Variants in NSMCE2 observed in about 807,000 individuals in gnomAD.
NSMCE2 encodes the protein E3 SUMO-protein ligase NSE2.
NSMCE2 carries 24 observed loss-of-function variants against 23.8 expected under a neutral mutation model. The observed-to-expected ratio is 1.01, with a 90% CI of 0.73 to 1.42. The LOEUF (loss-of-function observed/expected upper bound fraction) is 1.42. NSMCE2 is among the 40% of genes most tolerant of loss of function. The pLI is 0.00. For synonymous variants in NSMCE2, 92 were observed against 94.1 expected (o/e 0.98, Z 0.13); for missense variants, 284 against 296.5 (o/e 0.96, Z 0.31).
intron 3 of NSMCE2, 68 bp from the exon 4 acceptor site, chr8:125,151,103 T>C (rs1586520644): frequency 1.3e-6 from 1 of 757,146 alleles, no homozygotes; most frequent in East Asian, 2.6e-5. Context: ...TAGATTGTAT[T>C]GATGCAACTT....
At position 125,186,039 on chromosome 8, in the gene NSMCE2, G is replaced by A. The variant is rs183446119; in HGVS notation, c.418+3783G>A. ...CTAGGCCTGGGGTCAGTAAACTCTG[G>A]GCCATGGACCGAATTCAGCCTGCCT... On this transcript the variant is annotated intron_variant, in intron 5 of 7. Transcript: ENST00000287437. 8.5e-5 allele frequency among the ~76,000 whole-genome samples: 13 copies of A among 152,210 alleles called. No individual in the cohort carries two copies. The East Asian group carries it at 2.5e-3, about 29-fold the overall frequency.
chr8:125,182,399 A>C (rs1242459236), intron 5 of NSMCE2, 143 bp downstream of exon 5: 2 of 724,844 alleles, frequency 2.8e-6, no homozygotes, highest in African/African-American at 1.8e-5. Flanking sequence ...TTGTTGTTGC[A>C]ATTCTGTATT....
chr8:125,320,308 GGGAAGGGAA>G (rs1394216246), intron 5 of NSMCE2, among the ~76,000 whole-genome samples: 17 of 114,140 alleles, frequency 1.5e-4, no homozygotes, highest in African/African-American at 5.1e-4. Flanking sequence ...AAGGAAGGAA[GGGAAGGGAA>G]GGAAGGGAAG....
At chr8:125,284,079 G>A (rs1827800814) in intron 5 of NSMCE2, among the ~76,000 whole-genome samples, 2 of 151,554 alleles carry the variant, frequency 1.3e-5, no homozygotes, top group South Asian at 4.2e-4. Context: ...GCGTGAACCT[G>A]GGAAGCAGAG....
intron 5 of NSMCE2, among the ~76,000 whole-genome samples, chr8:125,193,876 A>G (rs1823476942): frequency 6.6e-6 from 1 of 152,132 alleles, no homozygotes; most frequent in Non-Finnish European, 1.5e-5. Context: ...ACCCTTTGTT[A>G]TTCTCTGTTA....
intron 5 of NSMCE2, among the ~76,000 whole-genome samples, chr8:125,256,960 G>A (rs111596317): frequency 0.058 from 4,054 of 70,160 alleles, 58 homozygotes; most frequent in South Asian, 0.16. Context: ...AAAAAAAAAA[G>A]AGGGCTGAAG....
intron 4 of NSMCE2, among the ~76,000 whole-genome samples, chr8:125,151,629 A>G (rs539429537): frequency 6.6e-6 from 1 of 152,360 alleles, no homozygotes; most frequent in African/African-American, 2.4e-5. Context: ...AATTGAGACC[A>G]GGTTTAGTTA....
chr8:125,222,976 C>T (rs887521458), intron 5 of NSMCE2, among the ~76,000 whole-genome samples: 1 of 151,946 alleles, frequency 6.6e-6, no homozygotes, highest in African/African-American at 2.4e-5. Context: ...GTGGGAGGAT[C>T]GTTTGAGCCC....
chr8:125,284,197 TA>T (rs34193294), intron 5 of NSMCE2, among the ~76,000 whole-genome samples: 110,647 of 141,178 alleles, frequency 0.78, 42,905 homozygotes, highest in Middle Eastern at 0.83. Context: ...ATTTAGAGAG[TA>T]AAAAAAAAAA....
chr8:125,097,327 C>T lies in NSMCE2; in HGVS notation c.-110-4724C>T, dbSNP rs74481992. ...CATAGAGCTCAAATTTCCATGATGACCACTAGACCCAACTGGAGTGAATCT... is the reference window on the plus strand; with the variant it reads ...CATAGAGCTCAAATTTCCATGATGATCACTAGACCCAACTGGAGTGAATCT... On this transcript the variant is annotated intron_variant, in intron 1 of 7. Transcript: ENST00000287437. 6.9e-3 allele frequency among the ~76,000 whole-genome samples: 1,055 copies of T among 152,260 alleles called. 12 individuals carry two copies. Among genetic ancestry groups the T allele is most frequent in the African/African-American group, 0.024 (996 of 41,524 alleles).
intron 5 of NSMCE2, among the ~76,000 whole-genome samples, chr8:125,261,371 A>G (rs760405584): frequency 2.6e-5 from 4 of 152,262 alleles, no homozygotes; most frequent in Non-Finnish European, 5.9e-5. Flanking sequence ...TCGAGATCCA[A>G]TATCAGAAAG....
intron 5 of NSMCE2, among the ~76,000 whole-genome samples, chr8:125,262,252 C>G (rs979685951): frequency 6.6e-6 from 1 of 151,874 alleles, no homozygotes; most frequent in Admixed American, 6.6e-5. Flanking sequence ...GGTGAAACCC[C>G]GTCTCTACTA....
chr8:125,331,144 AC>A, intron 5 of NSMCE2, among the ~76,000 whole-genome samples: 1 of 152,216 alleles, frequency 6.6e-6, no homozygotes, highest in Non-Finnish European at 1.5e-5. Flanking sequence ...TACTAAAAAT[AC>A]AAAAATTAGC....
chr8:125,356,236 G>C (rs1186586561), intron 5 of NSMCE2, among the ~76,000 whole-genome samples: 2 of 108,380 alleles, frequency 1.8e-5, no homozygotes, highest in Admixed American at 1.0e-4. Flanking sequence ...CTGTGTGTAT[G>C]GGGGGGGGTG....
chr8:125,279,716 T>TGG (rs1308100711), intron 5 of NSMCE2, among the ~76,000 whole-genome samples: 4 of 152,246 alleles, frequency 2.6e-5, no homozygotes, highest in Non-Finnish European at 5.9e-5. Flanking sequence ...TCTTGATTAT[T>TGG]AGGAAATAAG....
At chr8:125,349,373 G>A (rs142746737) in intron 5 of NSMCE2, among the ~76,000 whole-genome samples, 47 of 152,264 alleles carry the variant, frequency 3.1e-4, no homozygotes, top group Admixed American at 2.9e-3. Context: ...AGCCTAATAA[G>A]CATTTCAAGC....
Position 125,272,306 on chromosome 8 carries a change from G to T in NSMCE2, c.419-84913G>T, listed in dbSNP as rs1005857799. Among the ~76,000 whole-genome samples, 18 of 151,574 alleles carry T rather than the reference G, an allele frequency of 1.2e-4. No homozygotes were observed. In the Admixed American group the frequency reaches 1.2e-3, roughly 10 times the overall value. ...TGGGATTACAGGCTTGAGCCACCGC[G>T]CCCGGCAAATCTGCAGTTTCTTCAT... On this transcript the variant is annotated intron_variant, in intron 5 of 7. Coordinates refer to ENST00000287437, the MANE Select transcript of NSMCE2 (RefSeq NM_173685.4).
At chr8:125,302,791 G>A (rs1313621715) in intron 5 of NSMCE2, among the ~76,000 whole-genome samples, 4 of 152,108 alleles carry the variant, frequency 2.6e-5, no homozygotes, top group South Asian at 4.1e-4. Flanking sequence ...ATAGACATGT[G>A]TTTGCCATCA....
chr8:125,100,648 G>A (rs191729103), intron 1 of NSMCE2, among the ~76,000 whole-genome samples: 58 of 152,134 alleles, frequency 3.8e-4, no homozygotes, highest in African/African-American at 1.3e-3. Flanking sequence ...TGCAACCTCC[G>A]CCTCCCAGGT....
Sources: gnomAD v4.1 joint callset for allele counts (sites outside exome capture counted in the v4.1 genomes callset) on GRCh38, gnomAD v4.1.1 for gene constraint, MANE v1.5 for transcripts, NCBI Gene and HGNC (gene_info 2026-07-23, HGNC 2026-07-21) for gene names.